FARP1: variants seen among roughly 807,000 people sequenced by gnomAD.
The protein encoded by FARP1 is FERM, ARH/RhoGEF and pleckstrin domain protein 1.
In FARP1, 52 loss-of-function variants were observed where a neutral mutation model predicts 128.8. The ratio of observed to expected loss-of-function variants is 0.40; its 90% confidence interval spans 0.32 to 0.51. The LOEUF (loss-of-function observed/expected upper bound fraction) is 0.51, where lower values mean the gene tolerates loss of function less well. Ranked by LOEUF, FARP1 falls within the 20% of genes least tolerant of loss-of-function variation. The pLI is 0.45. For missense variants in FARP1, 1,333 were observed against 1,367.9 expected, an observed-to-expected ratio of 0.97 and a Z score of 0.40; for synonymous variants, 580 against 551.8, an observed-to-expected ratio of 1.05 and a Z score of -0.72.
chr13:98,169,595 A>C (rs1393582998), intron 1 of FARP1, among the ~76,000 whole-genome samples: 1 of 152,220 alleles, frequency 6.6e-6, no homozygotes, highest in African/African-American at 2.4e-5. Context: ...ACTTTAAGGC[A>C]TGCTTAGATT....
chr13:98,277,757 A>G (rs1356624884), intron 2 of FARP1, among the ~76,000 whole-genome samples: 1 of 152,186 alleles, frequency 6.6e-6, no homozygotes, highest in Non-Finnish European at 1.5e-5. Flanking sequence ...TATTCAGTTC[A>G]TTGAGAGCAC....
At chr13:98,242,957 A>G (rs1882857065) in intron 2 of FARP1, among the ~76,000 whole-genome samples, 1 of 152,204 alleles carries the variant, frequency 6.6e-6, no homozygotes, top group African/African-American at 2.4e-5. Context: ...GAAAGGGGAA[A>G]AGGTACTTTC....
At chr13:98,264,206 G>A (rs1884000033) in intron 2 of FARP1, among the ~76,000 whole-genome samples, 1 of 152,198 alleles carries the variant, frequency 6.6e-6, no homozygotes, top group Non-Finnish European at 1.5e-5. Flanking sequence ...GCTCTTGGCA[G>A]TATGGCCATA....
chr13:98,165,587 A>G (rs183673727), intron 1 of FARP1, among the ~76,000 whole-genome samples: 1 of 151,698 alleles, frequency 6.6e-6, no homozygotes, highest in Non-Finnish European at 1.5e-5. Flanking sequence ...ACTCTATTTA[A>G]AAAAGACTTT....
chr13:98,422,190 C>G (rs1317623172), intron 16 of FARP1, among the ~76,000 whole-genome samples: 2 of 152,158 alleles, frequency 1.3e-5, no homozygotes, highest in African/African-American at 2.4e-5. Flanking sequence ...ATGAGGGAGT[C>G]TGGAGAGGAA....
In FARP1 at chr13:98,453,298, A is replaced by G. The variant is rs1679774719; in HGVS notation, c.*4981A>G. 7.3e-7 allele frequency: 1 copy of G among 1,373,900 alleles called. No individual in the cohort carries two copies. Among genetic ancestry groups the G allele is most frequent in the Non-Finnish European group, 1.0e-6 (1 of 994,716 alleles). 85.1% of individuals were successfully genotyped at this position (1,373,900 alleles called of 1,614,324 possible). On this transcript the variant is annotated 3_prime_UTR_variant, in exon 27 of 27. Transcript: ENST00000319562. ...TATAGTAACCAAAATCTTAGTTTTC[A>G]TAAGAAATTCCAAGTCATACAAAAA...
chr13:98,372,321 A>G (rs1219132787), intron 5 of FARP1, among the ~76,000 whole-genome samples: 1 of 152,088 alleles, frequency 6.6e-6, no homozygotes, highest in East Asian at 1.9e-4. Context: ...TCCTGACCTC[A>G]TGATCTGCCT....
At chr13:98,356,252 T>C (rs1220566118) in intron 3 of FARP1, among the ~76,000 whole-genome samples, 3 of 152,218 alleles carry the variant, frequency 2.0e-5, no homozygotes, top group Non-Finnish European at 4.4e-5. Flanking sequence ...CTGAGAAATG[T>C]GTTTTTAGGC....
At chr13:98,243,016 C>T (rs554193845) in intron 2 of FARP1, among the ~76,000 whole-genome samples, 4 of 152,308 alleles carry the variant, frequency 2.6e-5, no homozygotes, top group Admixed American at 2.0e-4. Flanking sequence ...GTTCATTCTC[C>T]AGACTTGCTG....
chr13:98,159,495 G>A (rs1019696336), intron 1 of FARP1: 8 of 148,508 alleles, frequency 5.4e-5, no homozygotes, highest in Non-Finnish European at 1.2e-4. Context: ...TTTTGAGATG[G>A]AGTCTTGCTC....
chr13:98,294,502 AAC>A (rs2139675626), intron 2 of FARP1, among the ~76,000 whole-genome samples: 2 of 152,372 alleles, frequency 1.3e-5, no homozygotes, highest in East Asian at 3.9e-4. Context: ...TTAAAATAAA[AAC>A]ACACTTGTGA....
intron 2 of FARP1, among the ~76,000 whole-genome samples, chr13:98,218,337 G>T (rs1881213671): frequency 6.6e-6 from 1 of 152,030 alleles, no homozygotes; most frequent in Admixed American, 6.6e-5. Flanking sequence ...CTCTAATCTT[G>T]CCCCTCGCAC....
intron 2 of FARP1, among the ~76,000 whole-genome samples, chr13:98,276,455 T>A (rs1184838618): frequency 6.6e-6 from 1 of 152,150 alleles, no homozygotes; most frequent in Non-Finnish European, 1.5e-5. Context: ...AGATTATAGG[T>A]AAGACTTGAT....
intron 17 of FARP1, among the ~76,000 whole-genome samples, chr13:98,425,071 G>C (rs922295821): frequency 2.0e-5 from 3 of 151,962 alleles, no homozygotes; most frequent in Admixed American, 2.0e-4. Context: ...AACCTTTCTA[G>C]ATAATTTTAT....
intron 11 of FARP1, among the ~76,000 whole-genome samples, chr13:98,392,271 G>C (rs1426404814): frequency 7.1e-6 from 1 of 141,482 alleles, no homozygotes; most frequent in African/African-American, 2.7e-5. Context: ...GATCACTTGA[G>C]CTCAGGAGTT....
chr13:98,301,440 C>T (rs1885921266), intron 2 of FARP1, among the ~76,000 whole-genome samples: 1 of 152,106 alleles, frequency 6.6e-6, no homozygotes, highest in South Asian at 2.1e-4. Flanking sequence ...AAGCCTTCTG[C>T]GGAGGTGTGG....
Position 98,176,241 on chromosome 13 carries a change from A to C in FARP1, c.-24+32749A>C. 6.2e-7 allele frequency: 1 copy of C among 1,607,528 alleles called. No homozygotes were observed. The highest frequency in any genetic ancestry group is 8.5e-7 in the Non-Finnish European group (1 of 1,174,704). Reference sequence around the variant, plus strand: ...GGGAAACCTAAGCCATGGGAATTGGACACTCATGGGGGTCTTCTGTGAAAT... The same window carrying C: ...GGGAAACCTAAGCCATGGGAATTGGCCACTCATGGGGGTCTTCTGTGAAAT... On this transcript the variant is annotated intron_variant, in intron 1 of 26. Coordinates refer to ENST00000319562, the MANE Select transcript of FARP1 (RefSeq NM_005766.4). This position sits in a 1 kb window ranked among gnomAD's most constrained non-coding sequence, Gnocchi z 6.2.
At chr13:98,247,251 T>C (rs1166046999) in intron 2 of FARP1, among the ~76,000 whole-genome samples, 2 of 152,150 alleles carry the variant, frequency 1.3e-5, no homozygotes, top group East Asian at 3.9e-4. Context: ...AAAAAAAAAG[T>C]AGCTGTTCCT....
intron 26 of FARP1, chr13:98,447,079 G>T (rs867014417): frequency 2.2e-6 from 1 of 455,584 alleles, no homozygotes; most frequent in East Asian, 4.0e-5. Flanking sequence ...CTGACATAAC[G>T]TGTCCGGGAT....
Sources: allele counts gnomAD v4.1 joint callset (sites outside exome capture counted in the v4.1 genomes callset), GRCh38; gene constraint gnomAD v4.1.1; non-coding constraint Gnocchi (gnomAD v3.1); transcripts MANE v1.5; gene names NCBI Gene and HGNC (gene_info 2026-07-23, HGNC 2026-07-21).